The following DACH1 variants were observed in gnomAD, a reference collection of about 807,000 sequenced individuals.
The protein encoded by DACH1 is dachshund family transcription factor 1.
Under a neutral mutation model 54.2 loss-of-function variants are expected in DACH1, and 12 were observed. The observed-to-expected ratio is 0.22, with a 90% confidence interval of 0.14 to 0.36. The LOEUF is 0.36. Among genes scored for constraint, DACH1 ranks in the 10% least tolerant of loss-of-function variants. DACH1 has a pLI of 1.00. For synonymous variants in DACH1, 386 were observed against 366.2 expected (o/e 1.05, Z -0.62); for missense variants, 805 against 929.8 (o/e 0.87, Z 1.75).
At chr13:71,733,262 G>A (rs187470201) in intron 1 of DACH1, among the ~76,000 whole-genome samples, 30 of 152,188 alleles carry the variant, frequency 2.0e-4, no homozygotes, top group African/African-American at 7.2e-4. Flanking sequence ...CCCAGGCTCA[G>A]GCTATCCTCC....
chr13:71,856,338 A>ATG (rs1345623619), intron 1 of DACH1, among the ~76,000 whole-genome samples: 3 of 151,998 alleles, frequency 2.0e-5, no homozygotes, highest in Non-Finnish European at 2.9e-5. Flanking sequence ...TCAAATCTGC[A>ATG]TGTACCATAC....
At chr13:71,662,452 T>G (rs1879569866) in intron 2 of DACH1, among the ~76,000 whole-genome samples, 1 of 151,936 alleles carries the variant, frequency 6.6e-6, no homozygotes, top group African/African-American at 2.4e-5. Context: ...GAAAAATCAG[T>G]GCCAAAATTT....
At position 71,548,769 on chromosome 13, in the gene DACH1, T is replaced by C. The variant is rs538650597; in HGVS notation, c.1570+8255A>G. The stretch of plus-strand genomic sequence containing the variant: ...TCATCTCCACTAAAAATACAAAAAG[T>C]AGCCGGTGTGGTGGCGTGTGCTTGA... On this transcript the variant is annotated intron_variant, in intron 6 of 10. Transcript: ENST00000613252. 9.2e-5 allele frequency among the ~76,000 whole-genome samples: 14 copies of C among 151,904 alleles called. No individual in the cohort carries two copies. In the East Asian group the frequency reaches 2.7e-3, roughly 29 times the overall value.
chr13:71,556,257 G>A lies in DACH1; in HGVS notation c.1570+767C>T, dbSNP rs142056836. 1.2e-3 allele frequency among the ~76,000 whole-genome samples: 182 copies of A among 151,878 alleles called. 2 individuals carry two copies. In the East Asian group the frequency reaches 0.028, roughly 23 times the overall value. On this transcript the variant is annotated intron_variant, in intron 6 of 10. Transcript: ENST00000613252. Reference sequence around the variant, plus strand: ...TATTCACAACACTGATTATTTGATGGCTTTGTCAAAAAAAGATAAGCAAAT... The same window carrying A: ...TATTCACAACACTGATTATTTGATGACTTTGTCAAAAAAAGATAAGCAAAT...
At chr13:71,748,964 C>CTTTCTTTCTTTCTT (rs1310558749) in intron 1 of DACH1, among the ~76,000 whole-genome samples, 15 of 25,596 alleles carry the variant, frequency 5.9e-4, no homozygotes, top group African/African-American at 1.1e-3. Flanking sequence ...CTCTTTCTTT[C>CTTTCTTTCTTTCTT]TCTCTCTCTC....
intron 6 of DACH1, among the ~76,000 whole-genome samples, chr13:71,531,560 G>A (rs1882417414): frequency 6.6e-6 from 1 of 151,870 alleles, no homozygotes; most frequent in South Asian, 2.1e-4. Flanking sequence ...TTTGCATAAT[G>A]AGCTTATCAA....
intron 1 of DACH1, among the ~76,000 whole-genome samples, chr13:71,819,052 G>C (rs74099148): frequency 5.4e-4 from 82 of 152,280 alleles, no homozygotes; most frequent in African/African-American, 1.9e-3. Flanking sequence ...ACCAATAAAA[G>C]AGAAGGTGGC....
intron 1 of DACH1, among the ~76,000 whole-genome samples, chr13:71,864,805 CT>C (rs1874608155): frequency 6.6e-6 from 1 of 150,756 alleles, no homozygotes. Flanking sequence ...ACTGGTCTGG[CT>C]GGGGACCGGT....
chr13:71,747,096 C>T (rs532320261), intron 1 of DACH1, among the ~76,000 whole-genome samples: 1 of 151,856 alleles, frequency 6.6e-6, no homozygotes, highest in South Asian at 2.1e-4. Context: ...TTTGTATATA[C>T]AAATAGTTGT....
chr13:71,438,420 C>G lies in DACH1; in HGVS notation c.*2235G>C, dbSNP rs1477963178. On this transcript the variant is annotated 3_prime_UTR_variant, in exon 11 of 11. Transcript: ENST00000613252. ...AACAGGGAAAAAATTAAGTTACAGA[C>G]TTACAATAACATTTCATGAATTGTA... 1 of 152,382 alleles carries G rather than the reference C, an allele frequency of 6.6e-6. No homozygotes were observed. Among genetic ancestry groups the G allele is most frequent in the Non-Finnish European group, 1.5e-5 (1 of 67,874 alleles). 9.4% of individuals were successfully genotyped at this position (152,382 alleles called of 1,614,324 possible).
intron 7 of DACH1, among the ~76,000 whole-genome samples, chr13:71,480,084 T>C (rs1877901895): frequency 6.6e-6 from 1 of 152,214 alleles, no homozygotes; most frequent in African/African-American, 2.4e-5. Context: ...ATGTAAGCTC[T>C]CTGGGGCAGA....
At chr13:71,699,203 T>TA (rs1566441139) in intron 1 of DACH1, among the ~76,000 whole-genome samples, 1 of 152,112 alleles carries the variant, frequency 6.6e-6, no homozygotes, top group Non-Finnish European at 1.5e-5. Flanking sequence ...CAAGGGGAGC[T>TA]ACAATTGCAA....
At chr13:71,572,703 A>C in intron 4 of DACH1, 137 bp downstream of exon 4, 1 of 916,096 alleles carries the variant, frequency 1.1e-6, no homozygotes, top group Non-Finnish European at 1.6e-6. Flanking sequence ...ATTTGCTACA[A>C]GTGATTTTTT....
At chr13:71,633,971 C>CT (rs5804582) in intron 2 of DACH1, among the ~76,000 whole-genome samples, 181 of 142,374 alleles carry the variant, frequency 1.3e-3, no homozygotes, top group Middle Eastern at 3.6e-3. Context: ...TTTTTTCTTC[C>CT]TTTTTTTTTT....
At chr13:71,462,911 CACACATAA>C (rs1187108459) in intron 10 of DACH1, among the ~76,000 whole-genome samples, 3 of 34,340 alleles carry the variant, frequency 8.7e-5, no homozygotes, top group Non-Finnish European at 1.5e-4. Context: ...CACACACACA[CACACATAA>C]ACCATGAATA....
At chr13:71,797,747 A>G (rs1402334842) in intron 1 of DACH1, among the ~76,000 whole-genome samples, 1 of 152,122 alleles carries the variant, frequency 6.6e-6, no homozygotes, top group Admixed American at 6.6e-5. Context: ...CTCTGCAAGG[A>G]TATGAACAGA....
intron 3 of DACH1, among the ~76,000 whole-genome samples, chr13:71,595,087 C>A (rs1032491153): frequency 6.6e-6 from 1 of 151,998 alleles, no homozygotes; most frequent in African/African-American, 2.4e-5. Flanking sequence ...AGGTAGCATT[C>A]GAAGGAGGTG....
At chr13:71,810,081 C>T (rs1833687617) in intron 1 of DACH1, among the ~76,000 whole-genome samples, 1 of 152,050 alleles carries the variant, frequency 6.6e-6, no homozygotes, top group Non-Finnish European at 1.5e-5. Flanking sequence ...TTTTGAAGAC[C>T]AATGTTACCA....
chr13:71,452,604 T>G (rs185647963), intron 10 of DACH1, among the ~76,000 whole-genome samples: 4 of 152,208 alleles, frequency 2.6e-5, no homozygotes, highest in Non-Finnish European at 4.4e-5. Flanking sequence ...GTATTTTTCC[T>G]GCTTAGCAAT....
Sources: allele counts gnomAD v4.1 joint callset (sites outside exome capture counted in the v4.1 genomes callset), GRCh38; gene constraint gnomAD v4.1.1; transcripts MANE v1.5; gene names NCBI Gene and HGNC (gene_info 2026-07-23, HGNC 2026-07-21).